Variants in KRR1 observed in about 807,000 individuals in gnomAD.
The protein encoded by KRR1 is KRR1 small subunit processome component homolog.
A neutral mutation model predicts 50.0 loss-of-function variants in KRR1; 23 were observed. That is an observed-to-expected ratio of 0.46 (90% CI 0.33 to 0.65). The LOEUF (loss-of-function observed/expected upper bound fraction) is 0.65, where lower values mean the gene tolerates loss of function less well. Among genes scored for constraint, KRR1 ranks in the 30% least tolerant of loss-of-function variants. KRR1 has a pLI of 0.02. For missense variants in KRR1, 419 were observed against 442.4 expected (o/e 0.95, Z 0.47); for synonymous variants, 133 against 146.3 (o/e 0.91, Z 0.66).
intron 7 of KRR1, chr12:75,502,916 T>C (rs2046404518): frequency 6.6e-6 from 1 of 152,036 alleles, no homozygotes. Context: ...AAAACTTCCA[T>C]TGTTTTTTCA....
intron 6 of KRR1, 122 bp from the exon 7 acceptor site, chr12:75,504,196 A>G: frequency 1.8e-6 from 1 of 571,096 alleles, no homozygotes; most frequent in African/African-American, 1.9e-5. Context: ...TCTTTGGTGA[A>G]ATTAAACCAA....
At chr12:75,500,065 TATAATTGA>T (rs2046380966) in intron 9 of KRR1, 114 bp from the exon 10 acceptor site, 1 of 740,184 alleles carries the variant, frequency 1.4e-6, no homozygotes. Flanking sequence ...AGAGTATTCT[TATAATTGA>T]ATAATTGAAA....
intron 9 of KRR1, chr12:75,500,435 A>G (rs1430003079): frequency 1.3e-5 from 2 of 151,994 alleles, no homozygotes; most frequent in Non-Finnish European, 2.9e-5. Flanking sequence ...TCTAATATCA[A>G]AACGAAAATT....
In KRR1 at chr12:75,505,237, A is replaced by C; in HGVS notation, c.621T>G (p.Leu207=). The C allele has an allele frequency of 1.3e-6, 2 of 1,575,238 alleles. No homozygotes were observed. The highest frequency in any genetic ancestry group is 1.7e-6 in the Non-Finnish European group (2 of 1,157,762). Reference sequence around the variant, plus strand: ...TTGGATGAATATTCTTCATAGTATCAAGGACTACTTTTCTAACCTGAAATT... The same window carrying C: ...TTGGATGAATATTCTTCATAGTATCCAGGACTACTTTTCTAACCTGAAATT... ...SGLKEVRKVV[L]DTMKNIHPIY... Residue 207 remains leucine (L), a synonymous_variant, in exon 6 of 10, where the codon CTT becomes CTG. Transcript: ENST00000229214.
At position 75,499,087 on chromosome 12, in the gene KRR1, ATATATGT is replaced by A. The variant is rs1007329814; in HGVS notation, c.*715_*721del. The A allele has an allele frequency of 3.0e-5, 19 of 632,260 alleles. No homozygotes were observed. The African/African-American group carries it at 3.4e-4, about 11-fold the overall frequency. 39.2% of individuals were successfully genotyped at this position (632,260 alleles called of 1,614,324 possible). ...CTATTTTAAAACATTTCAGAAAAAA[ATATATGT>A]TATAGCAATACTCTTACTCAAAAGA... On this transcript the variant is annotated 3_prime_UTR_variant, in exon 10 of 10. Transcript: ENST00000229214.
Position 75,491,658 on chromosome 12 carries a change from G to A in KRR1, c.*8151C>T, listed in dbSNP as rs996764617. ...TAGTATTTTCTAATTTGATGGAAAT[G>A]GCATTTCATTTGCTTTCTTTTGCAT... On this transcript the variant is annotated 3_prime_UTR_variant, in exon 10 of 10. Transcript: ENST00000229214. The A allele has an allele frequency of 3.3e-5, 5 of 151,934 alleles. No individual in the cohort carries two copies. Among genetic ancestry groups the A allele is most frequent in the African/African-American group, 1.2e-4 (5 of 41,346 alleles). The allele number at this position is 151,934 out of a possible 1,614,324, so 9.4% of individuals were successfully genotyped here.
At chr12:75,500,038 T>G in intron 9 of KRR1, 87 bp from the exon 10 acceptor site, 1 of 1,014,458 alleles carries the variant, frequency 9.9e-7, no homozygotes, top group East Asian at 2.7e-5. Flanking sequence ...GAATATATGT[T>G]TAAGGCAGTT....
At chr12:75,505,049 G>A in intron 6 of KRR1, 149 bp downstream of exon 6, 1 of 731,014 alleles carries the variant, frequency 1.4e-6, no homozygotes, top group Non-Finnish European at 2.2e-6. Context: ...AATTAAGTAG[G>A]CTGAAGTCTA....
In KRR1 at chr12:75,499,827, T is replaced by C. The variant is rs2046379042; in HGVS notation, c.1128A>G (p.Lys376=). 4 of 1,600,052 alleles carry C rather than the reference T, an allele frequency of 2.5e-6. No homozygotes were observed. Among genetic ancestry groups the C allele is most frequent in the Non-Finnish European group, 2.6e-6 (3 of 1,175,016 alleles). Residue 376 remains lysine (K), a synonymous_variant, in exon 10 of 10, where the codon AAA becomes AAG. Transcript: ENST00000229214. ...GGGTATGTTACTTTTTTTTCTTCTT[T>C]TTCTTTTCATCTGCCTCCATCTTAA... The part of the protein sequence containing the change: ...IALKMEADEK[K]KKKKK
rs545826051 is a variant in KRR1 at position 75,493,129 on chromosome 12, C to T, written c.*6680G>A. 1.3e-5 allele frequency: 2 copies of T among 152,126 alleles called. No individual in the cohort carries two copies. Among genetic ancestry groups the T allele is most frequent in the East Asian group, 1.9e-4 (1 of 5,172 alleles). The allele number at this position is 152,126 out of a possible 1,614,324, so 9.4% of individuals were successfully genotyped here. On this transcript the variant is annotated 3_prime_UTR_variant, in exon 10 of 10. Coordinates refer to ENST00000229214, the MANE Select transcript of KRR1 (RefSeq NM_007043.7). ...GGGAGGAAGGCAGTTGCAGATCTAG[C>T]GGGAACTTTTAGATCATGACAAAGT...
rs570229799 is a variant in KRR1, at chr12:75,495,795, C to G, written c.*4014G>C. The G allele has an allele frequency of 1.8e-6, 1 of 570,402 alleles. No homozygotes were observed. Among genetic ancestry groups the G allele is most frequent in the Admixed American group, 2.8e-5 (1 of 35,860 alleles). 35.3% of individuals were successfully genotyped at this position (570,402 alleles called of 1,614,324 possible). A position where few individuals can be genotyped will look rare whatever the true frequency, so the allele number is the denominator to read the frequency against. ...AACTGGCATCAAGTAGCAATTAAAC[C>G]AATGGCTTACTGTTCTAGGAATACA... On this transcript the variant is annotated 3_prime_UTR_variant, in exon 10 of 10. Transcript: ENST00000229214.
rs1374587994 is a variant in KRR1 at position 75,491,591 on chromosome 12, T to C, written c.*8218A>G. ...TGCCAAATTACATTCCACCATTATA[T>C]CAATTTGTATTTCACCATCAGTACT... On this transcript the variant is annotated 3_prime_UTR_variant, in exon 10 of 10. Coordinates refer to ENST00000229214, the MANE Select transcript of KRR1 (RefSeq NM_007043.7). The C allele has an allele frequency of 1.3e-5, 2 of 152,196 alleles. No individual in the cohort carries two copies. The highest frequency in any genetic ancestry group is 2.4e-5 in the African/African-American group (1 of 41,450). 9.4% of individuals were successfully genotyped at this position (152,196 alleles called of 1,614,324 possible).
At chr12:75,509,477 T>G (rs1256332245) in intron 1 of KRR1, among the ~76,000 whole-genome samples, 1 of 152,208 alleles carries the variant, frequency 6.6e-6, no homozygotes, top group East Asian at 1.9e-4. Flanking sequence ...CGTTGCTATT[T>G]CTGGTTCAAA....
Position 75,496,919 on chromosome 12 carries a change from T to C in KRR1, c.*2890A>G, listed in dbSNP as rs1229464444. 2.0e-5 allele frequency: 3 copies of C among 152,228 alleles called. No homozygotes were observed. The highest frequency in any genetic ancestry group is 7.2e-5 in the African/African-American group (3 of 41,464). 9.4% of individuals were successfully genotyped at this position (152,228 alleles called of 1,614,324 possible). A position where few individuals can be genotyped will look rare whatever the true frequency, so the allele number is the denominator to read the frequency against. On this transcript the variant is annotated 3_prime_UTR_variant, in exon 10 of 10. Coordinates refer to ENST00000229214, the MANE Select transcript of KRR1 (RefSeq NM_007043.7). ...GCCATTTTTCTCCCAGTCCAATCAT[T>C]CTTTATTTCACTTATATCACTCTTG...
intron 1 of KRR1, among the ~76,000 whole-genome samples, chr12:75,509,193 T>C (rs1182007280): frequency 6.6e-6 from 1 of 152,180 alleles, no homozygotes; most frequent in Non-Finnish European, 1.5e-5. Flanking sequence ...TTTGAAGAAC[T>C]CCTTAATTTC....
rs114386670 is a variant in KRR1, at chr12:75,506,951, A to G, written c.259-35T>C. ...GAAAGAGCAAACAAGCAGTTGTCTAAAAATGAGTTTTTTTAGATAATTATA... is the reference window on the plus strand; with the variant it reads ...GAAAGAGCAAACAAGCAGTTGTCTAGAAATGAGTTTTTTTAGATAATTATA... On this transcript the variant is annotated intron_variant, in intron 2 of 9. Coordinates refer to ENST00000229214, the MANE Select transcript of KRR1 (RefSeq NM_007043.7). The G allele has an allele frequency of 5.0e-4, 772 of 1,551,522 alleles. 6 individuals are homozygous for G. The African/African-American group carries it at 8.0e-3, about 16-fold the overall frequency.
At position 75,496,275 on chromosome 12, in the gene KRR1, A is replaced by G; in HGVS notation, c.*3534T>C. On this transcript the variant is annotated 3_prime_UTR_variant, in exon 10 of 10. Coordinates refer to ENST00000229214, the MANE Select transcript of KRR1 (RefSeq NM_007043.7). ...GAGGCTGAGGCAGGACAATCACTTG[A>G]GCCCAGGAGGTGGAGGTTGCAGTGA... is the stretch of plus-strand genomic sequence containing the variant. The G allele has an allele frequency of 6.6e-6, 1 of 152,218 alleles. No individual in the cohort carries two copies. Among genetic ancestry groups the G allele is most frequent in the Non-Finnish European group, 1.5e-5 (1 of 68,142 alleles). The allele number at this position is 152,218 out of a possible 1,614,324, so 9.4% of individuals were successfully genotyped here.
At chr12:75,510,345 T>C (rs1375272024) in intron 1 of KRR1, among the ~76,000 whole-genome samples, 2 of 152,192 alleles carry the variant, frequency 1.3e-5, no homozygotes, top group African/African-American at 4.8e-5. Context: ...TTTAGCAGTA[T>C]TGTTTATAAT....
At chr12:75,511,443 G>T in intron 1 of KRR1, 70 bp downstream of exon 1, 1 of 1,355,486 alleles carries the variant, frequency 7.4e-7, no homozygotes. Context: ...AAGTCCACGA[G>T]GAACGAAAGA....
Sources: allele counts gnomAD v4.1 joint callset (sites outside exome capture counted in the v4.1 genomes callset), GRCh38; gene constraint gnomAD v4.1.1; transcripts MANE v1.5; gene names NCBI Gene and HGNC (gene_info 2026-07-23, HGNC 2026-07-21).